DRC11: variants seen among roughly 807,000 people sequenced by gnomAD.
DRC11 encodes IQ and AAA domain-containing protein 1.
the DRC11 span, among the ~76,000 whole-genome samples, chr2:236,491,830 T>C: frequency 1.3e-5 from 2 of 151,898 alleles, no homozygotes. Flanking sequence ...GAAGGAGAGG[T>C]CATCTTGAGT....
chr2:236,345,909 G>A, the DRC11 span, among the ~76,000 whole-genome samples: 2 of 152,194 alleles, frequency 1.3e-5, no homozygotes, highest in Non-Finnish European at 2.9e-5. Context: ...AATCGCTAGG[G>A]ACACTCTACT....
chr2:236,358,317 A>G, the DRC11 span, among the ~76,000 whole-genome samples: 8 of 133,808 alleles, frequency 6.0e-5, no homozygotes, highest in African/African-American at 2.4e-4. Flanking sequence ...ATAGATATAT[A>G]CTATATGAAT....
chr2:236,324,859 G>A, the DRC11 span: 1 of 1,098,452 alleles, frequency 9.1e-7, no homozygotes. This position sits in a 1 kb window ranked among gnomAD's most constrained non-coding sequence, Gnocchi z 5.7. Flanking sequence ...ATAAAGAAAA[G>A]CCTGCTAAGC....
chr2:236,488,585 G>A, the DRC11 span, among the ~76,000 whole-genome samples: 2 of 152,066 alleles, frequency 1.3e-5, no homozygotes, highest in East Asian at 1.9e-4. Context: ...CCTCTAATAT[G>A]AGCTTTTAAA....
At chr2:236,384,789 T>C in the DRC11 span, among the ~76,000 whole-genome samples, 1 of 151,812 alleles carries the variant, frequency 6.6e-6, no homozygotes, top group Non-Finnish European at 1.5e-5. Flanking sequence ...TTTTTATGGT[T>C]TTAGGTCTAA....
chr2:236,392,464 G>A, the DRC11 span: 1 of 576,358 alleles, frequency 1.7e-6, no homozygotes, highest in Admixed American at 3.3e-5. This position sits in a 1 kb window ranked among gnomAD's most constrained non-coding sequence, Gnocchi z 5.1. Context: ...ATAAACATAA[G>A]CCTAACTTTA....
At chr2:236,390,481 A>T in the DRC11 span, among the ~76,000 whole-genome samples, 1 of 152,180 alleles carries the variant, frequency 6.6e-6, no homozygotes, top group African/African-American at 2.4e-5. The surrounding 1 kb of genome is among the most constrained non-coding windows in gnomAD (Gnocchi z 5.9). Flanking sequence ...TTGAAAGGTA[A>T]GGACTTACTT....
chr2:236,418,570 T>C, the DRC11 span, among the ~76,000 whole-genome samples: 1 of 152,136 alleles, frequency 6.6e-6, no homozygotes, highest in South Asian at 2.1e-4. Context: ...TCCTGCAGGC[T>C]TCACCATGAA....
At chr2:236,366,822 TTCTC>T in the DRC11 span, among the ~76,000 whole-genome samples, 11 of 142,006 alleles carry the variant, frequency 7.7e-5, no homozygotes, top group East Asian at 4.4e-4. Context: ...CTCTCTCTCT[TTCTC>T]TCTCTCTCTC....
the DRC11 span, among the ~76,000 whole-genome samples, chr2:236,383,104 T>C: frequency 6.6e-6 from 1 of 152,168 alleles, no homozygotes; most frequent in Non-Finnish European, 1.5e-5. Flanking sequence ...CAGGAAGGTT[T>C]TGGAGTACTG....
At chr2:236,458,167 C>T in the DRC11 span, among the ~76,000 whole-genome samples, 7 of 151,974 alleles carry the variant, frequency 4.6e-5, no homozygotes, top group African/African-American at 7.3e-5. Flanking sequence ...GAGGTAGGGC[C>T]GAAGGTTTAA....
the DRC11 span, among the ~76,000 whole-genome samples, chr2:236,420,946 T>C: frequency 6.6e-6 from 1 of 152,216 alleles, no homozygotes; most frequent in Non-Finnish European, 1.5e-5. This position sits in a 1 kb window ranked among gnomAD's most constrained non-coding sequence, Gnocchi z 4.8. Flanking sequence ...CTTTTCTGCT[T>C]TCTCTTGTGG....
At chr2:236,343,674 G>C in the DRC11 span, 1 of 1,279,584 alleles carries the variant, frequency 7.8e-7, no homozygotes, top group Non-Finnish European at 1.0e-6. The surrounding 1 kb of genome is among the most constrained non-coding windows in gnomAD (Gnocchi z 6.6). Flanking sequence ...TGGAGAACCC[G>C]GTCATTCCTG....
the DRC11 span, among the ~76,000 whole-genome samples, chr2:236,325,535 T>C: frequency 6.6e-6 from 1 of 152,150 alleles, no homozygotes; most frequent in Non-Finnish European, 1.5e-5. This position sits in a 1 kb window ranked among gnomAD's most constrained non-coding sequence, Gnocchi z 4.4. Flanking sequence ...TCAATTTTAC[T>C]TGGTATTGCT....
chr2:236,466,815 G>T, the DRC11 span, among the ~76,000 whole-genome samples: 1 of 152,138 alleles, frequency 6.6e-6, no homozygotes. Flanking sequence ...ATTTGGAGGG[G>T]ACAAACATCC....
the DRC11 span, among the ~76,000 whole-genome samples, chr2:236,456,831 C>T: frequency 3.9e-5 from 6 of 152,296 alleles, no homozygotes; most frequent in African/African-American, 1.4e-4. This position sits in a 1 kb window ranked among gnomAD's most constrained non-coding sequence, Gnocchi z 5.4. Flanking sequence ...CAATGCTCCA[C>T]GATGGTGCAA....
the DRC11 span, among the ~76,000 whole-genome samples, chr2:236,387,962 T>C: frequency 1.3e-5 from 2 of 152,184 alleles, no homozygotes; most frequent in Admixed American, 1.3e-4. Flanking sequence ...TTGAAAATTC[T>C]TTTCTTTAAG....
chr2:236,332,917 T>A, the DRC11 span: 1 of 152,210 alleles, frequency 6.6e-6, no homozygotes, highest in East Asian at 1.9e-4. This position sits in a 1 kb window ranked among gnomAD's most constrained non-coding sequence, Gnocchi z 5.1. Context: ...GGTTTGGAGA[T>A]CTGCAGTGAA....
At chr2:236,352,968 C>A in the DRC11 span, among the ~76,000 whole-genome samples, 1 of 152,252 alleles carries the variant, frequency 6.6e-6, no homozygotes, top group Non-Finnish European at 1.5e-5. The surrounding 1 kb of genome is among the most constrained non-coding windows in gnomAD (Gnocchi z 7.0). Flanking sequence ...ACACTGCCCC[C>A]CCAGGGGTTC....
Sources: allele counts gnomAD v4.1 joint callset (sites outside exome capture counted in the v4.1 genomes callset), GRCh38; gene constraint gnomAD v4.1.1; non-coding constraint Gnocchi (gnomAD v3.1); transcripts MANE v1.5; gene names NCBI Gene and HGNC (gene_info 2026-07-23, HGNC 2026-07-21).